UNC13C: variants seen among roughly 807,000 people sequenced by gnomAD.
UNC13C encodes unc-13 homolog C, also known as protein unc-13 homolog C.
Under a neutral mutation model 245.4 loss-of-function variants are expected in UNC13C, and 174 were observed. The ratio of observed to expected loss-of-function variants is 0.71; its 90% CI spans 0.63 to 0.80. The LOEUF (loss-of-function observed/expected upper bound fraction) is 0.80, where lower values mean the gene tolerates loss of function less well. Among genes scored for constraint, UNC13C ranks in the 30% least tolerant of loss-of-function variants. UNC13C has a pLI of 0.00. For missense variants in UNC13C, 2,829 were observed against 2,602.9 expected (o/e 1.09, Z -1.89); for synonymous variants, 992 against 895.1 (o/e 1.11, Z -1.93).
chr15:54,056,004 C>T (rs1447419151), intron 2 of UNC13C, among the ~76,000 whole-genome samples: 1 of 152,046 alleles, frequency 6.6e-6, no homozygotes, highest in Non-Finnish European at 1.5e-5. Flanking sequence ...TCTCTGATTA[C>T]AAGAGCATGT....
At chr15:54,585,928 T>C (rs1221522189) in intron 30 of UNC13C, among the ~76,000 whole-genome samples, 1 of 152,246 alleles carries the variant, frequency 6.6e-6, no homozygotes, top group Non-Finnish European at 1.5e-5. Context: ...GTTAGACAAT[T>C]GGCTTTATCC....
At chr15:54,025,065 C>T (rs952609207) in intron 2 of UNC13C, among the ~76,000 whole-genome samples, 1 of 152,228 alleles carries the variant, frequency 6.6e-6, no homozygotes, top group African/African-American at 2.4e-5. Context: ...CAGATTCAAA[C>T]AACTGTGAAA....
chr15:54,077,143 G>A (rs1369915008), intron 2 of UNC13C, among the ~76,000 whole-genome samples: 1 of 151,818 alleles, frequency 6.6e-6, no homozygotes, highest in Non-Finnish European at 1.5e-5. Context: ...TGTATTTATG[G>A]GTCTCAAAAA....
chr15:54,617,546 T>C (rs574469097), intron 30 of UNC13C, among the ~76,000 whole-genome samples: 2 of 152,044 alleles, frequency 1.3e-5, no homozygotes, highest in South Asian at 4.1e-4. Context: ...CCTTACAAGA[T>C]CTTATACCTG....
downstream of UNC13C, chr15:54,632,320 G>A (rs547635640): frequency 3.3e-5 from 5 of 152,134 alleles, no homozygotes; most frequent in East Asian, 3.9e-4. Context: ...GAGAACAAAA[G>A]GTTTTCACTT....
intron 30 of UNC13C, among the ~76,000 whole-genome samples, chr15:54,580,870 C>T (rs1898168227): frequency 2.0e-5 from 3 of 152,136 alleles, no homozygotes; most frequent in Non-Finnish European, 2.9e-5. Flanking sequence ...ACTGAGAGAT[C>T]TGTGACACCT....
chr15:54,518,900 A>G (rs1895095299), intron 24 of UNC13C, among the ~76,000 whole-genome samples: 1 of 152,190 alleles, frequency 6.6e-6, no homozygotes, highest in Non-Finnish European at 1.5e-5. Flanking sequence ...ATCCCTACCC[A>G]GTCCATTTTC....
At chr15:53,938,464 A>C in the UNC13C span, among the ~76,000 whole-genome samples, 50,433 of 151,842 alleles carry the variant, frequency 0.33, 8,691 homozygotes, top group East Asian at 0.55. Context: ...ACAGAAAATT[A>C]ACGAAGATAA....
chr15:53,939,553 A>C, the UNC13C span, among the ~76,000 whole-genome samples: 1 of 152,212 alleles, frequency 6.6e-6, no homozygotes, highest in Non-Finnish European at 1.5e-5. Context: ...ACTTCAGGCC[A>C]GTATCCCTGA....
intron 2 of UNC13C, among the ~76,000 whole-genome samples, chr15:54,047,742 A>C (rs1296868972): frequency 1.3e-5 from 2 of 152,112 alleles, no homozygotes; most frequent in Non-Finnish European, 2.9e-5. Flanking sequence ...CATTTGCGCA[A>C]ATCCATCCTC....
At chr15:54,067,539 G>C (rs1248947522) in intron 2 of UNC13C, among the ~76,000 whole-genome samples, 1 of 152,132 alleles carries the variant, frequency 6.6e-6, no homozygotes, top group African/African-American at 2.4e-5. Flanking sequence ...TTTGAATACT[G>C]TTTTAGGAAA....
rs1280848832 is a variant in UNC13C, at chr15:54,494,638, C to T, written c.4964C>T (p.Thr1655Ile). ...EHENQRLCKSTDYMNLHFKVK... is the reference protein window; with the variant it reads ...EHENQRLCKSIDYMNLHFKVK... ...GAAAATCAGCGGTTATGCAAGAGCACCGATTATATGAATTTGCATTTCAAA... is the reference window on the plus strand; with the variant it reads ...GAAAATCAGCGGTTATGCAAGAGCATCGATTATATGAATTTGCATTTCAAA... The change falls in exon 20 of 33, where the codon ACC (threonine) becomes ATC (isoleucine). Residue 1655 changes from threonine (T) to isoleucine (I), a missense_variant. Physicochemically the swap from Thr to Ile is moderately conservative, Grantham distance 89 (BLOSUM62 -1). Coordinates refer to ENST00000260323, the MANE Select transcript of UNC13C (RefSeq NM_001080534.3). 1.9e-6 allele frequency: 3 copies of T among 1,609,606 alleles called. No individual in the cohort carries two copies. The highest frequency in any genetic ancestry group is 1.3e-5 in the African/African-American group (1 of 74,726).
intron 2 of UNC13C, among the ~76,000 whole-genome samples, chr15:54,044,892 G>T (rs183694236): frequency 3.0e-4 from 46 of 151,930 alleles, no homozygotes; most frequent in African/African-American, 1.1e-3. Context: ...ATATATATTC[G>T]AATTATTTGC....
chr15:54,123,832 C>T (rs1567031835), intron 2 of UNC13C, among the ~76,000 whole-genome samples: 1 of 152,104 alleles, frequency 6.6e-6, no homozygotes, highest in Non-Finnish European at 1.5e-5. Context: ...GGTTCTGTCT[C>T]TTTATAATCA....
chr15:54,503,256 C>A (rs991167341), intron 22 of UNC13C, among the ~76,000 whole-genome samples: 1 of 152,044 alleles, frequency 6.6e-6, no homozygotes, highest in African/African-American at 2.4e-5. Context: ...TAGTGATTTT[C>A]ATTGAAAAAG....
At chr15:54,446,354 G>C (rs1196884891) in intron 19 of UNC13C, among the ~76,000 whole-genome samples, 1 of 152,134 alleles carries the variant, frequency 6.6e-6, no homozygotes, top group Non-Finnish European at 1.5e-5. Context: ...CCTTGTTGGG[G>C]ATGGCATTGA....
At chr15:54,318,871 C>T (rs2038078033) in intron 13 of UNC13C, among the ~76,000 whole-genome samples, 1 of 151,844 alleles carries the variant, frequency 6.6e-6, no homozygotes, top group African/African-American at 2.4e-5. Flanking sequence ...TTATAAAAAT[C>T]ATCCTGTGAA....
rs1005862358 is a variant in UNC13C, at chr15:54,599,540, A to G, written c.6107-22787A>G. Among the ~76,000 whole-genome samples, 11 of 152,036 alleles carry G rather than the reference A, an allele frequency of 7.2e-5. 1 individual carries two copies. ...TCCAGTAAGACTATCCAAGTTTCCGAAAGTAAGATTTTTCCAACGATATTT... is the reference window on the plus strand; with the variant it reads ...TCCAGTAAGACTATCCAAGTTTCCGGAAGTAAGATTTTTCCAACGATATTT... On this transcript the variant is annotated intron_variant, in intron 30 of 32. Transcript: ENST00000260323.
chr15:54,488,239 A>G (rs598720), intron 19 of UNC13C, among the ~76,000 whole-genome samples: 1 of 151,892 alleles, frequency 6.6e-6, no homozygotes, highest in Non-Finnish European at 1.5e-5. Flanking sequence ...TTTAGAACCA[A>G]CGTTTCCTGG....
Sources: allele counts gnomAD v4.1 joint callset (sites outside exome capture counted in the v4.1 genomes callset), GRCh38; gene constraint gnomAD v4.1.1; transcripts MANE v1.5; gene names NCBI Gene and HGNC (gene_info 2026-07-23, HGNC 2026-07-21).